Variants in DNAH12 observed in about 807,000 individuals in gnomAD.
The protein encoded by DNAH12 is dynein axonemal heavy chain 12.
In DNAH12, 285 loss-of-function variants were observed where a neutral mutation model predicts 371.5. The observed-to-expected ratio is 0.77, with a 90% CI of 0.70 to 0.85. The LOEUF is 0.85. Among genes scored for constraint, DNAH12 ranks in the 40% least tolerant of loss-of-function variants. The pLI is 0.00. For missense variants in DNAH12, 3,611 were observed against 3,689.4 expected (o/e 0.98, Z 0.55); for synonymous variants, 1,200 against 1,213.0 (o/e 0.99, Z 0.22).
chr3:57,433,209 T>C (rs2065008600), intron 32 of DNAH12, among the ~76,000 whole-genome samples, 158 bp downstream of exon 32: 1 of 151,926 alleles, frequency 6.6e-6, no homozygotes, highest in African/African-American at 2.4e-5. Context: ...GGACTTACTA[T>C]AGCAGTTTTC....
At chr3:57,377,989 G>A (rs985425190) in intron 52 of DNAH12, among the ~76,000 whole-genome samples, 1 of 152,176 alleles carries the variant, frequency 6.6e-6, no homozygotes, top group Admixed American at 6.5e-5. Flanking sequence ...AGGGACAAGA[G>A]AGAGAGAGCA....
chr3:57,360,341 A>G (rs957067357), intron 58 of DNAH12, among the ~76,000 whole-genome samples: 11 of 152,154 alleles, frequency 7.2e-5, no homozygotes, highest in Admixed American at 2.0e-4. Context: ...GATTACCATC[A>G]CATTCATGCA....
intron 11 of DNAH12, among the ~76,000 whole-genome samples, chr3:57,492,596 G>A (rs2067166421): frequency 6.6e-6 from 1 of 151,866 alleles, no homozygotes; most frequent in Non-Finnish European, 1.5e-5. Flanking sequence ...AGAAATCCAG[G>A]AATATGTTAC....
intron 8 of DNAH12, among the ~76,000 whole-genome samples, chr3:57,505,421 G>A (rs1209823565): frequency 6.6e-5 from 10 of 151,912 alleles, no homozygotes; most frequent in Non-Finnish European, 1.5e-5. Context: ...CCCTAATTTT[G>A]TTTTTGGTTT....
upstream of DNAH12, among the ~76,000 whole-genome samples, chr3:57,549,336 T>A (rs995671239): frequency 6.6e-6 from 1 of 151,966 alleles, no homozygotes; most frequent in Non-Finnish European, 1.5e-5. Context: ...GCCAACATGG[T>A]GAAACCCCGT....
At chr3:57,542,577 A>G (rs2069337152) in intron 2 of DNAH12, 124 bp downstream of exon 2, 1 of 1,091,040 alleles carries the variant, frequency 9.2e-7, no homozygotes, top group Non-Finnish European at 1.3e-6. Flanking sequence ...TGTTTTTCTA[A>G]TTAACTTGAA....
At chr3:57,511,456 G>A (rs1261761253) in intron 4 of DNAH12, among the ~76,000 whole-genome samples, 2 of 152,066 alleles carry the variant, frequency 1.3e-5, no homozygotes, top group Admixed American at 6.6e-5. Context: ...AAATAGACAC[G>A]AATGAATGAA....
At chr3:57,326,901 G>T (rs1328478022) in intron 62 of DNAH12, among the ~76,000 whole-genome samples, 4 of 152,116 alleles carry the variant, frequency 2.6e-5, no homozygotes, top group Admixed American at 6.5e-5. Flanking sequence ...AAAGGCAGGG[G>T]TTCCAATCCT....
chr3:57,492,757 C>G (rs2067173143), intron 11 of DNAH12, among the ~76,000 whole-genome samples: 1 of 151,996 alleles, frequency 6.6e-6, no homozygotes, highest in Non-Finnish European at 1.5e-5. Context: ...ACCTGTAATC[C>G]CAGCATTTTG....
intron 25 of DNAH12, among the ~76,000 whole-genome samples, chr3:57,449,888 T>C (rs2065697380): frequency 6.6e-6 from 1 of 152,204 alleles, no homozygotes; most frequent in African/African-American, 2.4e-5. Flanking sequence ...CTCTGAGGAC[T>C]GCCATCACGC....
chr3:57,433,281 T>C, intron 32 of DNAH12, 86 bp downstream of exon 32: 1 of 1,378,294 alleles, frequency 7.3e-7, no homozygotes, highest in Non-Finnish European at 9.4e-7. Context: ...GCATCCTTTA[T>C]TTTAAATAGA....
At chr3:57,381,542 T>C (rs2063390567) in intron 50 of DNAH12, among the ~76,000 whole-genome samples, 1 of 152,172 alleles carries the variant, frequency 6.6e-6, no homozygotes, top group African/African-American at 2.4e-5. Flanking sequence ...GAACTTTATA[T>C]GTATTAACTA....
chr3:57,494,386 C>G (rs913837788), intron 11 of DNAH12, among the ~76,000 whole-genome samples: 5 of 151,798 alleles, frequency 3.3e-5, no homozygotes, highest in Non-Finnish European at 7.4e-5. Context: ...GACCTTGTCT[C>G]TACTAAAAAT....
chr3:57,532,437 T>C (rs944828497), intron 2 of DNAH12, among the ~76,000 whole-genome samples: 2 of 152,102 alleles, frequency 1.3e-5, no homozygotes, highest in Non-Finnish European at 2.9e-5. Context: ...GTTAAGTACT[T>C]ATTGCAGTCT....
At chr3:57,474,927 G>T (rs1214271902) in intron 13 of DNAH12, among the ~76,000 whole-genome samples, 1 of 151,700 alleles carries the variant, frequency 6.6e-6, no homozygotes, top group Non-Finnish European at 1.5e-5. Context: ...AGTGAGCTGG[G>T]ATCGCGCCAT....
intron 70 of DNAH12, among the ~76,000 whole-genome samples, chr3:57,299,210 C>A (rs1222196736): frequency 6.6e-5 from 10 of 152,224 alleles, no homozygotes; most frequent in African/African-American, 2.4e-4. Flanking sequence ...TCGCCCGTGG[C>A]TTCCTTTATC....
chr3:57,420,769 C>T (rs761822042), intron 36 of DNAH12, among the ~76,000 whole-genome samples: 1 of 151,876 alleles, frequency 6.6e-6, no homozygotes, highest in East Asian at 1.9e-4. Context: ...ATCAGCCAGG[C>T]GTGGTGGCGG....
At chr3:57,554,836 C>T in the DNAH12 span, among the ~76,000 whole-genome samples, 2 of 151,898 alleles carry the variant, frequency 1.3e-5, no homozygotes, top group African/African-American at 4.8e-5. Flanking sequence ...AGGCTGGTCT[C>T]GAACTCCTGA....
intron 11 of DNAH12, among the ~76,000 whole-genome samples, chr3:57,497,346 T>C (rs555323233): frequency 1.2e-4 from 19 of 152,262 alleles, no homozygotes; most frequent in South Asian, 2.1e-4. Context: ...CAATTTACCA[T>C]TGAACTACAG....
Sources: allele counts gnomAD v4.1 joint callset (sites outside exome capture counted in the v4.1 genomes callset), GRCh38; gene constraint gnomAD v4.1.1; transcripts MANE v1.5; gene names NCBI Gene and HGNC (gene_info 2026-07-23, HGNC 2026-07-21).